ACAD10: variants seen among roughly 807,000 people sequenced by gnomAD.
ACAD10 encodes ACAD-10.
In ACAD10, 112 loss-of-function variants were observed where a neutral mutation model predicts 116.8. That is an observed-to-expected ratio of 0.96 (90% CI 0.82 to 1.12). The LOEUF (loss-of-function observed/expected upper bound fraction) is 1.12, where lower values mean the gene tolerates loss of function less well. ACAD10 is among the 50% of genes most tolerant of loss of function. ACAD10 has a pLI of 0.00. For synonymous variants in ACAD10, 486 were observed against 510.6 expected (o/e 0.95, Z 0.65); for missense variants, 1,259 against 1,350.2 (o/e 0.93, Z 1.06).
chr12:111,733,927 G>A lies in ACAD10; in HGVS notation c.1399G>A (p.Asp467Asn), dbSNP rs758595982. Residue 467 changes from aspartate to asparagine, a missense_variant, in exon 11 of 21, where the codon GAC becomes AAC. Asp to Asn is a conservative substitution (Grantham distance 23). Coordinates refer to ENST00000313698, the MANE Select transcript of ACAD10 (RefSeq NM_025247.6). The stretch of plus-strand genomic sequence containing the variant: ...ATTCCTCCTGCGACTTTTCAGGCTC[G>A]ACAACCTGGTGTTTCATCCAGAAGA... ...TTVVHGDFRL[D>N]NLVFHPEEPE... The A allele has an allele frequency of 1.1e-5, 17 of 1,614,174 alleles. No homozygotes were observed. The highest frequency in any genetic ancestry group is 3.3e-5 in the Admixed American group (2 of 60,022).
At chr12:111,700,748 CTTTTTTTTTTTTT>C (rs750378233) in intron 2 of ACAD10, among the ~76,000 whole-genome samples, 5 of 89,912 alleles carry the variant, frequency 5.6e-5, no homozygotes, top group Admixed American at 1.2e-4. Flanking sequence ...CCTTCCTCTT[CTTTTTTTTTTTTT>C]TTTTTTTTTT....
At chr12:111,699,011 C>T (rs1888273779) in intron 2 of ACAD10, among the ~76,000 whole-genome samples, 2 of 151,944 alleles carry the variant, frequency 1.3e-5, no homozygotes, top group Admixed American at 1.3e-4. Flanking sequence ...TCACAGGTAG[C>T]TGCACTATAG....
intron 7 of ACAD10, among the ~76,000 whole-genome samples, chr12:111,718,036 CTTTTTTTTTTTT>C (rs560344796): frequency 3.8e-4 from 24 of 63,678 alleles, no homozygotes; most frequent in African/African-American, 8.2e-4. Flanking sequence ...TAGTGATATC[CTTTTTTTTTTTT>C]TTTTTTTTTT....
intron 8 of ACAD10, among the ~76,000 whole-genome samples, chr12:111,724,484 G>A (rs1305872301): frequency 1.3e-5 from 2 of 152,200 alleles, no homozygotes; most frequent in Non-Finnish European, 1.5e-5. Context: ...AGCGAGCCAA[G>A]ATCACGCCAC....
intron 12 of ACAD10, among the ~76,000 whole-genome samples, chr12:111,744,209 A>T (rs1889825466): frequency 6.6e-6 from 1 of 152,130 alleles, no homozygotes; most frequent in Non-Finnish European, 1.5e-5. Context: ...CTCTTCCTTT[A>T]GTCAGTTGTG....
chr12:111,720,107 G>A (rs1355045483), intron 7 of ACAD10, among the ~76,000 whole-genome samples: 6 of 151,910 alleles, frequency 3.9e-5, no homozygotes, highest in African/African-American at 9.7e-5. Context: ...CAGGTGATCC[G>A]CCCGCCTCGG....
rs763896808 is a variant in ACAD10 at position 111,749,134 on chromosome 12, CTA to C, written c.2645-37_2645-36del. 1.9e-6 allele frequency: 3 copies of C among 1,613,650 alleles called. No homozygotes were observed. In the Admixed American group the frequency reaches 5.0e-5, roughly 27 times the overall value. Reference sequence around the variant, plus strand: ...GAATAAACACATCCAAGGAAAATGACTATGGCTATTGCTCACAGTGATCGTTT... The same window carrying C: ...GAATAAACACATCCAAGGAAAATGACTGGCTATTGCTCACAGTGATCGTTT... On this transcript the variant is annotated intron_variant, in intron 17 of 20. Coordinates refer to ENST00000313698, the MANE Select transcript of ACAD10 (RefSeq NM_025247.6).
chr12:111,749,377 T>C, intron 18 of ACAD10, 32 bp downstream of exon 18: 1 of 1,588,654 alleles, frequency 6.3e-7, no homozygotes, highest in Non-Finnish European at 8.6e-7. Context: ...CAGCACTGAC[T>C]CAGAACCACC....
chr12:111,720,038 A>G (rs1351150844), intron 7 of ACAD10, among the ~76,000 whole-genome samples: 1 of 151,902 alleles, frequency 6.6e-6, no homozygotes, highest in African/African-American at 2.4e-5. Flanking sequence ...TAATTTTTGT[A>G]TTTTTAATAG....
At chr12:111,734,155 G>T in intron 11 of ACAD10, 87 bp downstream of exon 11, 1 of 1,580,188 alleles carries the variant, frequency 6.3e-7, no homozygotes, top group Non-Finnish European at 8.6e-7. Context: ...GTCCGTGATT[G>T]GGCGGGGGAA....
chr12:111,748,563 T>C (rs1342054521), intron 17 of ACAD10, 88 bp downstream of exon 17: 3 of 1,438,920 alleles, frequency 2.1e-6, no homozygotes, highest in Non-Finnish European at 2.9e-6. Flanking sequence ...GTTCAGGACT[T>C]GCCACATCCC....
intron 10 of ACAD10, among the ~76,000 whole-genome samples, chr12:111,731,163 G>A (rs1437906666): frequency 2.0e-5 from 3 of 152,128 alleles, no homozygotes; most frequent in Non-Finnish European, 4.4e-5. Context: ...CCTCGCTCCC[G>A]GCTTCTTCCG....
chr12:111,720,499 A>G (rs1193511623), intron 7 of ACAD10, among the ~76,000 whole-genome samples: 3 of 152,166 alleles, frequency 2.0e-5, no homozygotes, highest in Non-Finnish European at 4.4e-5. Context: ...TTATGATTGT[A>G]ATATCTTTCT....
At chr12:111,750,516 T>A (rs943686748) in intron 18 of ACAD10, among the ~76,000 whole-genome samples, 1 of 151,826 alleles carries the variant, frequency 6.6e-6, no homozygotes, top group Non-Finnish European at 1.5e-5. Flanking sequence ...AGCCCAGGAG[T>A]TTAGGGCTGC....
At position 111,756,565 on chromosome 12, in the gene ACAD10, C is replaced by T. The variant is rs988529184; in HGVS notation, c.*92C>T. ...GCCTCGAAAGATCCGGTGTTTGTGG[C>T]TCCTGCACCCTGCTCAGCAGCTCTG... On this transcript the variant is annotated 3_prime_UTR_variant, in exon 21 of 21. Coordinates refer to ENST00000313698, the MANE Select transcript of ACAD10 (RefSeq NM_025247.6). The T allele has an allele frequency of 8.4e-6, 13 of 1,540,684 alleles. No homozygotes were observed. In the Admixed American group the frequency reaches 1.6e-4, roughly 19 times the overall value.
chr12:111,751,660 G>A (rs1388918081), intron 18 of ACAD10, among the ~76,000 whole-genome samples: 1 of 152,026 alleles, frequency 6.6e-6, no homozygotes, highest in Non-Finnish European at 1.5e-5. Flanking sequence ...GAATCCAGGA[G>A]GCGGAGGTTG....
At chr12:111,723,009 G>A (rs1442640626) in intron 8 of ACAD10, among the ~76,000 whole-genome samples, 7 of 147,668 alleles carry the variant, frequency 4.7e-5, no homozygotes, top group Non-Finnish European at 7.5e-5. Context: ...GTGGCCGGGC[G>A]GGGGGCTGAC....
rs1289173775 is a variant in ACAD10 at position 111,692,738 on chromosome 12, C to T, written c.29C>T (p.Pro10Leu). MCVRSCFQS[P>L]RLQWVWRTAF... is the part of the protein sequence containing the mutation. ...TGTGTCAGGAGCTGTTTCCAGTCCC[C>T]CCGTCTCCAGTGGGTGTGGAGAACA... is the stretch of plus-strand genomic sequence containing the variant. The change falls in exon 2 of 21, where the codon CCC (proline) becomes CTC (leucine). Residue 10 changes from proline to leucine, a missense_variant. By Grantham distance (98) the Pro-to-Leu change is moderately conservative. Transcript: ENST00000313698. 6.2e-7 allele frequency: 1 copy of T among 1,614,134 alleles called. No individual in the cohort carries two copies. Among genetic ancestry groups the T allele is most frequent in the South Asian group, 1.1e-5 (1 of 91,088 alleles).
rs1888482615 is a variant in ACAD10 at position 111,705,744 on chromosome 12, A to G, written c.343A>G (p.Thr115Ala). Residue 115 changes from threonine (T) to alanine (A), a missense_variant, in exon 4 of 21, where the codon ACC (threonine) becomes GCC (alanine). Physicochemically the swap from Thr to Ala is moderately conservative, Grantham distance 58. Coordinates refer to ENST00000313698, the MANE Select transcript of ACAD10 (RefSeq NM_025247.6). The part of the protein sequence containing the change: ...FGRLCSEMLK[T>A]SVPVDSFFSL... ...TGCCCTCTCCTGTTCTTAGTTAAAG[A>G]CCTCCGTGCCTGTGGACTCATTTTT... The G allele has an allele frequency of 6.2e-7, 1 of 1,613,374 alleles. No homozygotes were observed. Among genetic ancestry groups the G allele is most frequent in the Admixed American group, 1.7e-5 (1 of 59,918 alleles).
Sources: gnomAD v4.1 joint callset for allele counts (sites outside exome capture counted in the v4.1 genomes callset) on GRCh38, gnomAD v4.1.1 for gene constraint, MANE v1.5 for transcripts, NCBI Gene and HGNC (gene_info 2026-07-23, HGNC 2026-07-21) for gene names.